The following CHST6 variants were observed in gnomAD, a reference collection of about 807,000 sequenced individuals.
CHST6 encodes carbohydrate sulfotransferase 6.
For missense variants in CHST6, 698 were observed against 586.2 expected, an observed-to-expected ratio of 1.19 and a Z score of -1.97; for synonymous variants, 309 against 276.4, an observed-to-expected ratio of 1.12 and a Z score of -1.17.
Position 75,479,458 on chromosome 16 carries a change from G to A in CHST6, c.371C>T (p.Ala124Val). 6.2e-7 allele frequency: 1 copy of A among 1,612,918 alleles called. No homozygotes were observed. The highest frequency in any genetic ancestry group is 8.5e-7 in the Non-Finnish European group (1 of 1,179,866). The change falls in exon 3 of 3, where the codon GCC (alanine) becomes GTC (valine). Residue 124 changes from alanine (A) to valine (V), a missense_variant. Transcript: ENST00000332272. ...RRNLSDLFQW[A>V]VSRALCSPPA... ...TGGCGAGCACAGTGCACGGCTCACG[G>A]CCCACTGGAAGAGGTCGGACAGGTT...
intron 1 of CHST6, among the ~76,000 whole-genome samples, chr16:75,489,663 A>G (rs1309564864): frequency 6.6e-6 from 1 of 152,040 alleles, no homozygotes; most frequent in African/African-American, 2.4e-5. Flanking sequence ...CACAGATGGG[A>G]GAAAACAGTT....
Position 75,478,537 on chromosome 16 carries a change from A to C in CHST6, c.*104T>G. ...GGGGAGGGGGAGGGGTCGTACCACA[A>C]ACTCCTTGGTCAATATAGGGACCTG... On this transcript the variant is annotated 3_prime_UTR_variant, in exon 3 of 3. Transcript: ENST00000332272. 1 of 1,178,060 alleles carries C rather than the reference A, an allele frequency of 8.5e-7. No homozygotes were observed. Among genetic ancestry groups the C allele is most frequent in the South Asian group, 1.2e-5 (1 of 80,590 alleles). The allele number at this position is 1,178,060 out of a possible 1,614,324, so 73.0% of individuals were successfully genotyped here.
intron 1 of CHST6, among the ~76,000 whole-genome samples, chr16:75,486,256 T>C (rs1267047375): frequency 1.3e-5 from 2 of 152,220 alleles, no homozygotes; most frequent in Non-Finnish European, 2.9e-5. Context: ...GAACTTTGGA[T>C]TGTGGTTTTT....
chr16:75,478,546 G>T lies in CHST6; in HGVS notation c.*95C>A. On this transcript the variant is annotated 3_prime_UTR_variant, in exon 3 of 3. Coordinates refer to ENST00000332272, the MANE Select transcript of CHST6 (RefSeq NM_021615.5). ...GAGGGGTCGTACCACAAACTCCTTG[G>T]TCAATATAGGGACCTGCTTCTCCGT... is the stretch of plus-strand genomic sequence containing the variant. 1.6e-6 allele frequency: 2 copies of T among 1,276,042 alleles called. No homozygotes were observed. Among genetic ancestry groups the T allele is most frequent in the Non-Finnish European group, 2.3e-6 (2 of 876,146 alleles). The allele number at this position is 1,276,042 out of a possible 1,614,324, so 79.0% of individuals were successfully genotyped here.
Position 75,474,349 on chromosome 16 carries a change from A to G in CHST6, c.*4292T>C. On this transcript the variant is annotated 3_prime_UTR_variant, in exon 3 of 3. Coordinates refer to ENST00000332272, the MANE Select transcript of CHST6 (RefSeq NM_021615.5). ...GAGTGCACTGGCATGATCATGGTTC[A>G]ATGTAGCCTCAACCTCCCAGGGTCA... 1 of 360,748 alleles carries G rather than the reference A, an allele frequency of 2.8e-6. No individual in the cohort carries two copies. The highest frequency in any genetic ancestry group is 4.9e-6 in the Non-Finnish European group (1 of 202,692). 22.3% of individuals were successfully genotyped at this position (360,748 alleles called of 1,614,324 possible). A position where few individuals can be genotyped will look rare whatever the true frequency, so the allele number is the denominator to read the frequency against.
chr16:75,486,525 C>G (rs527301659), intron 1 of CHST6, among the ~76,000 whole-genome samples: 8 of 152,360 alleles, frequency 5.3e-5, no homozygotes, highest in Admixed American at 1.3e-4. Context: ...CCTGCCCCCC[C>G]AGCCCACACA....
intron 1 of CHST6, among the ~76,000 whole-genome samples, chr16:75,492,586 C>T (rs551470922): frequency 1.2e-4 from 18 of 152,308 alleles, no homozygotes; most frequent in African/African-American, 3.1e-4. Flanking sequence ...CGGTGGCTCA[C>T]GCCTGTAATC....
At position 75,491,190 on chromosome 16, in the gene CHST6, A is replaced by AAAATATAT. The variant is rs1206595857; in HGVS notation, c.-92+3749_-92+3750insATATATTT. ...TAAAAAAAAAAAAAAAAAAAAAAAA[A>AAAATATAT]ATATATATATATATATATATATATA... is the stretch of plus-strand genomic sequence containing the variant. On this transcript the variant is annotated intron_variant, in intron 1 of 2. Coordinates refer to ENST00000332272, the MANE Select transcript of CHST6 (RefSeq NM_021615.5). 8.8e-4 allele frequency among the ~76,000 whole-genome samples: 44 copies of AAAATATAT among 50,058 alleles called. 1 individual carries two copies. The highest frequency in any genetic ancestry group is 1.8e-3 in the African/African-American group (16 of 9,124). 32.8% of individuals were successfully genotyped at this position (50,058 alleles called of 152,430 possible).
chr16:75,494,886 C>T (rs2080293178), intron 1 of CHST6, 54 bp downstream of exon 1: 1 of 152,414 alleles, frequency 6.6e-6, no homozygotes, highest in South Asian at 2.1e-4. Flanking sequence ...AGCCCGGCCC[C>T]CAGCCGACCC....
rs778522972 is a variant in CHST6 at position 75,479,339 on chromosome 16, C to A, written c.490G>T (p.Ala164Ser). 3.1e-6 allele frequency: 5 copies of A among 1,612,534 alleles called. No homozygotes were observed. The South Asian group carries it at 5.5e-5, about 18-fold the overall frequency. ...ACCACGTGGCTGTAGGAGCGGCAGG[C>A]CTCCCGGGCCAGGGTGAAGGACTGC... Reference protein sequence around the residue: ...ARQSFTLAREACRSYSHVVLK... With the variant: ...ARQSFTLARESCRSYSHVVLK... The change falls in exon 3 of 3, where the codon GCC becomes TCC. Residue 164 changes from alanine (A) to serine (S), a missense_variant. Coordinates refer to ENST00000332272, the MANE Select transcript of CHST6 (RefSeq NM_021615.5).
intron 1 of CHST6, among the ~76,000 whole-genome samples, chr16:75,489,398 C>CA (rs901241278): frequency 0.073 from 4,183 of 57,090 alleles, 264 homozygotes; most frequent in African/African-American, 0.2. Flanking sequence ...GACTCTGTCT[C>CA]AAAAAAAAAA....
At chr16:75,490,478 CA>C (rs202035853) in intron 1 of CHST6, 4 of 149,554 alleles carry the variant, frequency 2.7e-5, no homozygotes, top group Non-Finnish European at 3.0e-5. Context: ...AACTCCGTCT[CA>C]AAAAAAAAGG....
rs992756756 is a variant in CHST6, at chr16:75,473,588, C to A, written c.*5053G>T. The A allele has an allele frequency of 6.6e-6, 1 of 152,176 alleles. No individual in the cohort carries two copies. Among genetic ancestry groups the A allele is most frequent in the African/African-American group, 2.4e-5 (1 of 41,458 alleles). 9.4% of individuals were successfully genotyped at this position (152,176 alleles called of 1,614,324 possible). A position where few individuals can be genotyped will look rare whatever the true frequency, so the allele number is the denominator to read the frequency against. ...CAGGAAAAGTTCAGGTTTCCCTCCC[C>A]TTTTCTGCCTAAAGGCACGATATAA... On this transcript the variant is annotated 3_prime_UTR_variant, in exon 3 of 3. Coordinates refer to ENST00000332272, the MANE Select transcript of CHST6 (RefSeq NM_021615.5).
At position 75,478,854 on chromosome 16, in the gene CHST6, A is replaced by T. The variant is rs2151665422; in HGVS notation, c.975T>A (p.Asn325Lys). The T allele has an allele frequency of 6.2e-7, 1 of 1,613,484 alleles. No individual in the cohort carries two copies. The highest frequency in any genetic ancestry group is 1.7e-5 in the Admixed American group (1 of 60,032). Residue 325 changes from asparagine to lysine, a missense_variant, in exon 3 of 3, where the codon AAT becomes AAA. Asn to Lys is a moderately conservative substitution (Grantham distance 94). Transcript: ENST00000332272. Reference protein sequence around the residue: ...RREAFKTSSRNALNVSQAWRH... With the variant: ...RREAFKTSSRKALNVSQAWRH... Reference sequence around the variant, plus strand: ...GCCAGGCCTGGGAGACGTTGAGCGCATTCCTGGACGAAGTCTTGAAGGCTT... The same window carrying T: ...GCCAGGCCTGGGAGACGTTGAGCGCTTTCCTGGACGAAGTCTTGAAGGCTT...
intron 1 of CHST6, among the ~76,000 whole-genome samples, chr16:75,492,115 T>C (rs1240551361): frequency 1.3e-5 from 2 of 152,256 alleles, no homozygotes; most frequent in Non-Finnish European, 2.9e-5. Context: ...CTTCAAAATC[T>C]ACTGGGAAAT....
At chr16:75,482,123 G>C (rs1014035519) in intron 1 of CHST6, among the ~76,000 whole-genome samples, 10 of 152,120 alleles carry the variant, frequency 6.6e-5, no homozygotes, top group African/African-American at 2.2e-4. Flanking sequence ...GCTACTGTTT[G>C]GAGAGGAGGA....
Position 75,477,182 on chromosome 16 carries a change from G to A in CHST6, c.*1459C>T, listed in dbSNP as rs1168954775. On this transcript the variant is annotated 3_prime_UTR_variant, in exon 3 of 3. Coordinates refer to ENST00000332272, the MANE Select transcript of CHST6 (RefSeq NM_021615.5). ...TAATTGTCACGAGGGACAGATTCAA[G>A]TTTCATTTGGTTGAAGCTTCTAAAC... 1 of 152,218 alleles carries A rather than the reference G, an allele frequency of 6.6e-6. No homozygotes were observed. The highest frequency in any genetic ancestry group is 2.4e-5 in the African/African-American group (1 of 41,452). 9.4% of individuals were successfully genotyped at this position (152,218 alleles called of 1,614,324 possible).
chr16:75,482,160 C>A (rs561066093), intron 1 of CHST6, among the ~76,000 whole-genome samples: 6 of 152,136 alleles, frequency 3.9e-5, no homozygotes, highest in South Asian at 2.1e-4. Context: ...AGTCTCCCCC[C>A]AGAGGAGACA....
rs2080059126 is a variant in CHST6, at chr16:75,475,691, G to C, written c.*2950C>G. 1 of 152,238 alleles carries C rather than the reference G, an allele frequency of 6.6e-6. No homozygotes were observed. Among genetic ancestry groups the C allele is most frequent in the Non-Finnish European group, 1.5e-5 (1 of 68,046 alleles). 9.4% of individuals were successfully genotyped at this position (152,238 alleles called of 1,614,324 possible). A position where few individuals can be genotyped will look rare whatever the true frequency, so the allele number is the denominator to read the frequency against. On this transcript the variant is annotated 3_prime_UTR_variant, in exon 3 of 3. Transcript: ENST00000332272. ...CTTGACTGTACTGCCCATGCGCAGA[G>C]AGCAAATTCAGGAGCCAGTCAAGCA...
Sources: allele counts gnomAD v4.1 joint callset (sites outside exome capture counted in the v4.1 genomes callset), GRCh38; gene constraint gnomAD v4.1.1; transcripts MANE v1.5; gene names NCBI Gene and HGNC (gene_info 2026-07-23, HGNC 2026-07-21).